APBB2: variants seen among roughly 807,000 people sequenced by gnomAD.
The protein encoded by APBB2 is Fe65-like 1.
A neutral mutation model predicts 82.5 loss-of-function variants in APBB2; 38 were observed. The observed-to-expected ratio is 0.46, with a 90% CI of 0.36 to 0.60. APBB2 has a LOEUF of 0.60. Among genes scored for constraint, APBB2 ranks in the 20% least tolerant of loss-of-function variants. The pLI, the probability that APBB2 is intolerant of heterozygous loss-of-function variation, is 0.00. For missense variants in APBB2, 772 were observed against 972.3 expected (o/e 0.79, Z 2.74); for synonymous variants, 341 against 368.2 (o/e 0.93, Z 0.85).
intron 2 of APBB2, among the ~76,000 whole-genome samples, chr4:41,135,643 CTG>C (rs1224419425): frequency 6.6e-6 from 1 of 152,120 alleles, no homozygotes; most frequent in Non-Finnish European, 1.5e-5. Context: ...AAATAAATGA[CTG>C]TATGTCACTC....
chr4:41,159,961 GAGAAGAAGAAGAAGA>G (rs1161043741), intron 1 of APBB2, among the ~76,000 whole-genome samples: 649 of 31,964 alleles, frequency 0.02, 41 homozygotes, highest in African/African-American at 0.029. Flanking sequence ...GAAGGAGAAG[GAGAAGAAGAAGAAGA>G]AGAAGAAGAA....
intron 6 of APBB2, among the ~76,000 whole-genome samples, chr4:40,977,667 T>C (rs1301024429): frequency 1.3e-5 from 2 of 152,138 alleles, no homozygotes; most frequent in East Asian, 1.9e-4. Context: ...CGTCTATATA[T>C]ATTAATATTT....
intron 6 of APBB2, among the ~76,000 whole-genome samples, chr4:40,956,204 T>C (rs902180477): frequency 4.6e-5 from 7 of 152,180 alleles, no homozygotes; most frequent in Admixed American, 2.6e-4. Context: ...AGCAGGGCTC[T>C]TCACTTCCTC....
chr4:41,087,045 C>T (rs568132594), intron 3 of APBB2, among the ~76,000 whole-genome samples: 4 of 152,146 alleles, frequency 2.6e-5, no homozygotes, highest in South Asian at 2.1e-4. Flanking sequence ...GACGCTGAGG[C>T]GGGAGGATCA....
intron 4 of APBB2, among the ~76,000 whole-genome samples, chr4:41,058,969 A>G (rs1560638561): frequency 6.6e-6 from 1 of 152,210 alleles, no homozygotes; most frequent in Non-Finnish European, 1.5e-5. Context: ...GATGAGAGAA[A>G]GTTAAAGCTC....
At chr4:41,213,976 G>A (rs1184492773) in intron 1 of APBB2, among the ~76,000 whole-genome samples, 1 of 152,190 alleles carries the variant, frequency 6.6e-6, no homozygotes, top group Non-Finnish European at 1.5e-5. Context: ...CTTCCCGCAG[G>A]CGCCCACCCT....
chr4:40,885,513 C>T (rs781699508), intron 12 of APBB2, among the ~76,000 whole-genome samples: 1 of 152,162 alleles, frequency 6.6e-6, no homozygotes, highest in Non-Finnish European at 1.5e-5. Context: ...TACCCGATCT[C>T]GCAAGACTGT....
chr4:41,183,352 C>T (rs577825499), intron 1 of APBB2, among the ~76,000 whole-genome samples: 3 of 152,304 alleles, frequency 2.0e-5, no homozygotes, highest in Admixed American at 6.5e-5. Flanking sequence ...TGACGGCTTT[C>T]CACCTGTTAC....
At chr4:41,208,411 G>A (rs1778496827) in intron 1 of APBB2, among the ~76,000 whole-genome samples, 1 of 152,120 alleles carries the variant, frequency 6.6e-6, no homozygotes, top group African/African-American at 2.4e-5. Context: ...ACAGGCGTGT[G>A]CCACCATGCC....
intron 1 of APBB2, among the ~76,000 whole-genome samples, chr4:41,187,972 T>C (rs538773776): frequency 9.8e-4 from 149 of 152,322 alleles, no homozygotes; most frequent in African/African-American, 3.4e-3. Context: ...GCATGAAAAA[T>C]CATTACTCCT....
intron 4 of APBB2, among the ~76,000 whole-genome samples, chr4:41,044,950 A>T (rs1722853144): frequency 6.6e-6 from 1 of 151,862 alleles, no homozygotes; most frequent in South Asian, 2.1e-4. Flanking sequence ...CTCTCCTATT[A>T]CCTGTATGTT....
At chr4:40,870,081 C>A (rs1476751174) in intron 12 of APBB2, among the ~76,000 whole-genome samples, 3 of 152,122 alleles carry the variant, frequency 2.0e-5, no homozygotes, top group African/African-American at 7.2e-5. Flanking sequence ...AGACATCATT[C>A]TCTGGCAATA....
chr4:40,893,436 G>A (rs115694824), intron 10 of APBB2, 25 bp from the exon 11 acceptor site: 24,254 of 1,589,568 alleles, frequency 0.015, 229 homozygotes, highest in Middle Eastern at 0.022. Flanking sequence ...AAGAGGACAA[G>A]AAGTCACTCC....
chr4:41,078,378 A>C (rs1026304096), intron 3 of APBB2, among the ~76,000 whole-genome samples: 1 of 152,234 alleles, frequency 6.6e-6, no homozygotes, highest in Non-Finnish European at 1.5e-5. Flanking sequence ...AATTGCAATT[A>C]AAAAATCAAC....
chr4:41,074,165 A>C (rs1386851770), intron 3 of APBB2, among the ~76,000 whole-genome samples: 1 of 152,200 alleles, frequency 6.6e-6, no homozygotes, highest in East Asian at 1.9e-4. Flanking sequence ...AAACATTAGC[A>C]GAAAGAAAAA....
chr4:40,883,012 G>C (rs1327501613), intron 12 of APBB2, among the ~76,000 whole-genome samples: 1 of 152,114 alleles, frequency 6.6e-6, no homozygotes, highest in Non-Finnish European at 1.5e-5. Context: ...CAAGTCACTT[G>C]GTCTGGTGAG....
chr4:40,973,853 T>A (rs1222161685), intron 6 of APBB2, among the ~76,000 whole-genome samples: 1 of 68,964 alleles, frequency 1.5e-5, no homozygotes, highest in African/African-American at 4.1e-5. Context: ...CCAAATTTCC[T>A]TTTTTTTTTT....
rs1419498112 is a variant in APBB2 at position 41,001,699 on chromosome 4, G to GA, written c.835+11883dup. Among the ~76,000 whole-genome samples the GA allele has an allele frequency of 6.6e-5, 10 of 152,222 alleles. No individual in the cohort carries two copies. The East Asian group carries it at 1.5e-3, about 24-fold the overall frequency. On this transcript the variant is annotated intron_variant, in intron 6 of 17. Transcript: ENST00000508593. ...TCAAGACCAGCCTGGCCAACCTGGT[G>GA]AAACTCTGCCTCTACTAAAAATACA...
At chr4:40,898,220 C>T (rs902776931) in intron 10 of APBB2, among the ~76,000 whole-genome samples, 18 of 152,184 alleles carry the variant, frequency 1.2e-4, no homozygotes, top group Admixed American at 5.9e-4. Flanking sequence ...TAGCATCATG[C>T]CTGGCAGACA....
Sources: allele counts gnomAD v4.1 joint callset (sites outside exome capture counted in the v4.1 genomes callset), GRCh38; gene constraint gnomAD v4.1.1; transcripts MANE v1.5; gene names NCBI Gene and HGNC (gene_info 2026-07-23, HGNC 2026-07-21).